Variants in ADGRB3 observed in about 807,000 individuals in gnomAD.
The protein encoded by ADGRB3 is adhesion G protein-coupled receptor B3.
Under a neutral mutation model 193.4 loss-of-function variants are expected in ADGRB3, and 37 were observed. The ratio of observed to expected loss-of-function variants is 0.19; its 90% CI spans 0.15 to 0.25. The LOEUF (loss-of-function observed/expected upper bound fraction) is 0.25. ADGRB3 is among the 10% of genes least tolerant of loss of function. ADGRB3 has a pLI of 1.00. For missense variants in ADGRB3, 1,637 were observed against 1,852.9 expected, an observed-to-expected ratio of 0.88 and a Z score of 2.14; for synonymous variants, 690 against 644.2, an observed-to-expected ratio of 1.07 and a Z score of -1.08.
In ADGRB3 at chr6:69,233,428, A is replaced by G. The variant is rs1766194214; in HGVS notation, c.2607+12A>G. ...AACCTAGAGAAATAGTAAGTAACAA[A>G]GGGAAAACACGGCTTTAACGCAAAG... is the stretch of plus-strand genomic sequence containing the variant. On this transcript the variant is annotated intron_variant, in intron 18 of 31. Transcript: ENST00000370598. The G allele has an allele frequency of 6.2e-7, 1 of 1,613,748 alleles. No individual in the cohort carries two copies. The highest frequency in any genetic ancestry group is 1.1e-5 in the South Asian group (1 of 91,062).
chr6:68,674,100 T>A (rs1769027466), intron 3 of ADGRB3, among the ~76,000 whole-genome samples: 1 of 152,156 alleles, frequency 6.6e-6, no homozygotes, highest in Non-Finnish European at 1.5e-5. Context: ...ATTTTTAGAA[T>A]CATAGGATAT....
chr6:69,113,275 ATATT>A (rs1479283808), intron 17 of ADGRB3, among the ~76,000 whole-genome samples: 4 of 151,910 alleles, frequency 2.6e-5, no homozygotes, highest in African/African-American at 7.3e-5. Flanking sequence ...TGTATCACAC[ATATT>A]TATATGTACA....
rs536250052 is a variant in ADGRB3, at chr6:68,654,553, G to C, written c.757+15121G>C. 2.0e-5 allele frequency among the ~76,000 whole-genome samples: 3 copies of C among 151,814 alleles called. No individual in the cohort carries two copies. The East Asian group carries it at 5.8e-4, about 30-fold the overall frequency. ...AATCCAGGGATGGAGTGAATTATCA[G>C]TTTAGTTCCCACCTTTGTATATCTG... On this transcript the variant is annotated intron_variant, in intron 3 of 31. Transcript: ENST00000370598.
intron 13 of ADGRB3, among the ~76,000 whole-genome samples, chr6:69,042,736 T>C (rs1392822037): frequency 6.6e-6 from 1 of 152,200 alleles, no homozygotes; most frequent in Non-Finnish European, 1.5e-5. Context: ...CCACAAGCAA[T>C]TCCATTTTGA....
chr6:69,016,493 T>C (rs1375014600), intron 12 of ADGRB3, among the ~76,000 whole-genome samples: 1 of 151,898 alleles, frequency 6.6e-6, no homozygotes, highest in Non-Finnish European at 1.5e-5. Flanking sequence ...CTAAATTCAC[T>C]TGGTAATTGG....
At chr6:68,914,315 G>T (rs1766813399) in intron 3 of ADGRB3, among the ~76,000 whole-genome samples, 2 of 152,084 alleles carry the variant, frequency 1.3e-5, no homozygotes, top group African/African-American at 4.8e-5. Context: ...TACCCACAAA[G>T]GGAAGCCCAT....
intron 3 of ADGRB3, among the ~76,000 whole-genome samples, chr6:68,782,199 C>T (rs916302395): frequency 1.4e-5 from 2 of 146,262 alleles, no homozygotes; most frequent in African/African-American, 5.1e-5. Context: ...TCAATTCCCA[C>T]CTATGAGTGA....
chr6:68,730,648 T>C (rs1183872127), intron 3 of ADGRB3, among the ~76,000 whole-genome samples: 2 of 151,734 alleles, frequency 1.3e-5, no homozygotes. Context: ...AGGCTCATTC[T>C]TCTTGCAGTT....
chr6:68,702,565 A>G (rs1180555350), intron 3 of ADGRB3, among the ~76,000 whole-genome samples: 1 of 152,200 alleles, frequency 6.6e-6, no homozygotes, highest in African/African-American at 2.4e-5. Context: ...GAGACAGCCT[A>G]CAGGGATCAG....
At chr6:68,916,225 TAAAC>T (rs1211268331) in intron 3 of ADGRB3, among the ~76,000 whole-genome samples, 4 of 152,242 alleles carry the variant, frequency 2.6e-5, no homozygotes, top group African/African-American at 7.2e-5. Flanking sequence ...TACTAAAAAT[TAAAC>T]ATACAATTAC....
chr6:68,798,802 A>G (rs1767260273), intron 3 of ADGRB3, among the ~76,000 whole-genome samples: 1 of 152,184 alleles, frequency 6.6e-6, no homozygotes, highest in South Asian at 2.1e-4. Flanking sequence ...CAGAAGAAGC[A>G]AGTTAGTGGG....
At chr6:69,071,602 C>A (rs1211701002) in intron 16 of ADGRB3, among the ~76,000 whole-genome samples, 1 of 152,004 alleles carries the variant, frequency 6.6e-6, no homozygotes, top group East Asian at 1.9e-4. Context: ...TTGAATGGAG[C>A]CAAGAGTGGC....
intron 26 of ADGRB3, among the ~76,000 whole-genome samples, chr6:69,353,486 CA>C (rs1391187547): frequency 6.6e-6 from 1 of 152,136 alleles, no homozygotes; most frequent in Admixed American, 6.5e-5. Context: ...AGAAACATCC[CA>C]AATCAATTTC....
chr6:68,852,031 G>A (rs1768413159), intron 3 of ADGRB3, among the ~76,000 whole-genome samples: 3 of 151,752 alleles, frequency 2.0e-5, no homozygotes, highest in South Asian at 2.1e-4. Context: ...TCATTTCAAC[G>A]TTGTTTACTA....
chr6:68,983,562 A>G (rs999612151), intron 10 of ADGRB3, among the ~76,000 whole-genome samples: 4 of 151,438 alleles, frequency 2.6e-5, no homozygotes, highest in African/African-American at 9.7e-5. Flanking sequence ...AAAAATTACA[A>G]AAGAAACTAT....
chr6:69,372,197 A>G (rs1217834216), intron 29 of ADGRB3, among the ~76,000 whole-genome samples: 1 of 152,060 alleles, frequency 6.6e-6, no homozygotes, highest in East Asian at 1.9e-4. Flanking sequence ...AAGAAGTTCA[A>G]AGTGAAAATA....
intron 17 of ADGRB3, among the ~76,000 whole-genome samples, chr6:69,194,531 A>G (rs1765258912): frequency 6.6e-6 from 1 of 152,136 alleles, no homozygotes; most frequent in African/African-American, 2.4e-5. Flanking sequence ...TGCCAAAATC[A>G]GTTTTGATTG....
intron 20 of ADGRB3, among the ~76,000 whole-genome samples, chr6:69,316,993 A>AT (rs1768326437): frequency 6.6e-6 from 1 of 151,528 alleles, no homozygotes; most frequent in Non-Finnish European, 1.5e-5. Flanking sequence ...CGTAGTTACT[A>AT]TTTTTTGATA....
At chr6:68,649,994 T>A (rs924540894) in intron 3 of ADGRB3, among the ~76,000 whole-genome samples, 8 of 152,184 alleles carry the variant, frequency 5.3e-5, no homozygotes, top group African/African-American at 1.9e-4. Context: ...CTCAAAGCAC[T>A]ATTCATGCTG....
Sources: gnomAD v4.1 joint callset for allele counts (sites outside exome capture counted in the v4.1 genomes callset) on GRCh38, gnomAD v4.1.1 for gene constraint, MANE v1.5 for transcripts, NCBI Gene and HGNC (gene_info 2026-07-23, HGNC 2026-07-21) for gene names.